Variants in ANKRD30B observed in about 807,000 individuals in gnomAD.
The protein encoded by ANKRD30B is ankyrin repeat domain-containing protein 30B.
A neutral mutation model predicts 202.2 loss-of-function variants in ANKRD30B; 144 were observed. The ratio of observed to expected loss-of-function variants is 0.71; its 90% CI spans 0.62 to 0.82. The LOEUF is 0.82. ANKRD30B is among the 40% of genes least tolerant of loss of function. The pLI, the probability that ANKRD30B is intolerant of heterozygous loss-of-function variation, is 0.00. For synonymous variants in ANKRD30B, 508 were observed against 561.3 expected, an observed-to-expected ratio of 0.91 and a Z score of 1.34; for missense variants, 1,487 against 1,669.1, an observed-to-expected ratio of 0.89 and a Z score of 1.90.
At position 14,852,430 on chromosome 18, in the gene ANKRD30B, A is replaced by C; in HGVS notation, c.4476+10A>C. ...GAAAGCAGAAAGAGAAGTAAGTATC[A>C]AAAAATATAAATACTTTTCAAACTT... is the stretch of plus-strand genomic sequence containing the variant. On this transcript the variant is annotated intron_variant, in intron 42 of 43. Coordinates refer to ENST00000690538, the MANE Select transcript of ANKRD30B (RefSeq NM_001367607.2). 1 of 1,512,980 alleles carries C rather than the reference A, an allele frequency of 6.6e-7. No individual in the cohort carries two copies. The highest frequency in any genetic ancestry group is 8.8e-7 in the Non-Finnish European group (1 of 1,137,186). The allele number at this position is 1,512,980 out of a possible 1,614,324, so 93.7% of individuals were successfully genotyped here.
intron 26 of ANKRD30B, among the ~76,000 whole-genome samples, chr18:14,809,069 A>G (rs1227238537): frequency 2.7e-5 from 4 of 145,508 alleles, no homozygotes; most frequent in Admixed American, 6.9e-5. Flanking sequence ...GTCCAGGGGA[A>G]TCACAGCCTT....
At chr18:14,940,939 C>A in the ANKRD30B span, among the ~76,000 whole-genome samples, 1 of 152,098 alleles carries the variant, frequency 6.6e-6, no homozygotes, top group East Asian at 1.9e-4. Flanking sequence ...GTCCCAGGGA[C>A]TCTTATGTAA....
chr18:14,915,957 CTT>C, the ANKRD30B span, among the ~76,000 whole-genome samples: 1 of 152,176 alleles, frequency 6.6e-6, no homozygotes, highest in Non-Finnish European at 1.5e-5. Flanking sequence ...CTAGAAATGA[CTT>C]AAAGTTTTTG....
At chr18:14,823,468 G>A (rs1598680118) in intron 32 of ANKRD30B, among the ~76,000 whole-genome samples, 1 of 151,614 alleles carries the variant, frequency 6.6e-6, no homozygotes, top group African/African-American at 2.4e-5. Context: ...TCGGTTTCTT[G>A]TTTTTCTGAT....
In ANKRD30B at chr18:14,763,666, C is replaced by G. The variant is rs777325039; in HGVS notation, c.821-20C>G. 90 of 1,610,938 alleles carry G rather than the reference C, an allele frequency of 5.6e-5. No homozygotes were observed. The highest frequency in any genetic ancestry group is 6.5e-5 in the Non-Finnish European group (77 of 1,178,758). On this transcript the variant is annotated intron_variant, in intron 6 of 43. Coordinates refer to ENST00000690538, the MANE Select transcript of ANKRD30B (RefSeq NM_001367607.2). The stretch of plus-strand genomic sequence containing the variant: ...ATATTTAAGCAGAAAGAAAATTTAA[C>G]CAGATTGTGTGTTTGGCAGAAGGAA...
intron 9 of ANKRD30B, 105 bp downstream of exon 9, chr18:14,772,333 A>G: frequency 1.5e-6 from 1 of 669,860 alleles, no homozygotes; most frequent in South Asian, 5.4e-5. Flanking sequence ...GGTAATATAA[A>G]GTTGGTCAGA....
At chr18:14,771,236 T>C (rs901172508) in intron 8 of ANKRD30B, among the ~76,000 whole-genome samples, 8 of 152,190 alleles carry the variant, frequency 5.3e-5, no homozygotes, top group African/African-American at 1.9e-4. Flanking sequence ...GGTTGGAGAC[T>C]GCCATGAAGC....
the ANKRD30B span, among the ~76,000 whole-genome samples, chr18:14,931,148 T>C: frequency 6.6e-6 from 1 of 152,182 alleles, no homozygotes; most frequent in Non-Finnish European, 1.5e-5. Context: ...GGCTACTGTC[T>C]TTAGTGACAG....
At chr18:14,917,781 A>G in the ANKRD30B span, among the ~76,000 whole-genome samples, 15 of 152,238 alleles carry the variant, frequency 9.9e-5, no homozygotes, top group Non-Finnish European at 2.1e-4. Flanking sequence ...GGCTCCTGCC[A>G]GTACACTTGT....
chr18:14,812,361 C>T (rs2144069411), intron 28 of ANKRD30B, among the ~76,000 whole-genome samples: 1 of 137,586 alleles, frequency 7.3e-6, no homozygotes, highest in South Asian at 2.4e-4. Flanking sequence ...TTGATTTTAT[C>T]CTATAACATG....
chr18:14,925,748 G>C, the ANKRD30B span, among the ~76,000 whole-genome samples: 2 of 152,154 alleles, frequency 1.3e-5, no homozygotes, highest in African/African-American at 4.8e-5. Flanking sequence ...CTCAGTGCAG[G>C]AATCAGAGCT....
chr18:14,783,110 T>A (rs551410421), intron 12 of ANKRD30B, among the ~76,000 whole-genome samples: 1 of 152,248 alleles, frequency 6.6e-6, no homozygotes, highest in South Asian at 2.1e-4. Flanking sequence ...GGGGAGGCAT[T>A]AGGAATGGAA....
At chr18:14,774,301 A>G (rs1967214823) in intron 9 of ANKRD30B, among the ~76,000 whole-genome samples, 1 of 152,106 alleles carries the variant, frequency 6.6e-6, no homozygotes, top group Non-Finnish European at 1.5e-5. Context: ...ATTTTATTTA[A>G]TGACTGAAGC....
chr18:14,878,966 G>A, the ANKRD30B span, among the ~76,000 whole-genome samples: 8 of 152,084 alleles, frequency 5.3e-5, no homozygotes, highest in East Asian at 1.9e-4. Flanking sequence ...CACAGACTTC[G>A]GAGATATAGC....
At chr18:14,807,166 T>C (rs1969574913) in intron 24 of ANKRD30B, among the ~76,000 whole-genome samples, 2 of 151,110 alleles carry the variant, frequency 1.3e-5, no homozygotes, top group South Asian at 4.2e-4. Context: ...ACATATATAC[T>C]TGACATGTCT....
intron 11 of ANKRD30B, among the ~76,000 whole-genome samples, chr18:14,780,918 G>A (rs544281713): frequency 1.8e-5 from 2 of 111,748 alleles, no homozygotes; most frequent in African/African-American, 3.3e-5. Context: ...CTTTGGGTCC[G>A]TTTGTGGTAG....
the ANKRD30B span, among the ~76,000 whole-genome samples, chr18:14,940,348 C>T: frequency 2.6e-5 from 4 of 152,190 alleles, no homozygotes; most frequent in African/African-American, 9.7e-5. Context: ...TGGAGCACAG[C>T]CAGTGCTGTG....
chr18:14,788,975 C>T (rs1220814381), intron 15 of ANKRD30B, among the ~76,000 whole-genome samples: 2 of 152,104 alleles, frequency 1.3e-5, no homozygotes, highest in Admixed American at 6.5e-5. Flanking sequence ...GCCACACTGA[C>T]TTCCACAATG....
chr18:14,788,219 G>T (rs1412338130), intron 15 of ANKRD30B, among the ~76,000 whole-genome samples: 2 of 152,058 alleles, frequency 1.3e-5, no homozygotes, highest in East Asian at 1.9e-4. Context: ...ATTTATTTTT[G>T]ATGAGGACTA....
Sources: gnomAD v4.1 joint callset for allele counts (sites outside exome capture counted in the v4.1 genomes callset) on GRCh38, gnomAD v4.1.1 for gene constraint, MANE v1.5 for transcripts, NCBI Gene and HGNC (gene_info 2026-07-23, HGNC 2026-07-21) for gene names.